Variants in AGPAT4 observed in about 807,000 individuals in gnomAD.
The protein encoded by AGPAT4 is 1-acyl-sn-glycerol-3-phosphate acyltransferase delta.
A neutral mutation model predicts 48.0 loss-of-function variants in AGPAT4; 15 were observed. The observed-to-expected ratio is 0.31, with a 90% CI of 0.21 to 0.48. AGPAT4 has a LOEUF of 0.48. Among genes scored for constraint, AGPAT4 ranks in the 20% least tolerant of loss-of-function variants. The probability of loss-of-function intolerance (pLI) is 0.99; values close to 1 mark genes in which losing one functional copy is unlikely to be tolerated. For missense variants in AGPAT4, 314 were observed against 482.5 expected (o/e 0.65, Z 3.27); for synonymous variants, 178 against 198.7 (o/e 0.90, Z 0.88).
rs376314216 is a variant in AGPAT4 at position 161,178,722 on chromosome 6, T to C, written c.179-12305A>G. On this transcript the variant is annotated intron_variant, in intron 2 of 8. Coordinates refer to ENST00000320285, the MANE Select transcript of AGPAT4 (RefSeq NM_020133.3). This position sits in a 1 kb window ranked among gnomAD's most constrained non-coding sequence, Gnocchi z 5.1. ...CTTCCGCATCACTCACACTGGGAGC[T>C]GTAGACTGGAGCTGTTCCTATTCGG... Among the ~76,000 whole-genome samples the C allele has an allele frequency of 1.4e-4, 21 of 152,342 alleles. No individual in the cohort carries two copies. Among genetic ancestry groups the C allele is most frequent in the African/African-American group, 5.0e-4 (21 of 41,586 alleles).
At chr6:161,173,470 C>T (rs770004678) in intron 2 of AGPAT4, among the ~76,000 whole-genome samples, 38 of 152,270 alleles carry the variant, frequency 2.5e-4, no homozygotes, top group African/African-American at 1.7e-4. Flanking sequence ...TCATATCCTT[C>T]GCCCACTTTT....
Position 161,245,902 on chromosome 6 carries a change from T to A in AGPAT4, c.-89-13600A>T, listed in dbSNP as rs1221045707. ...CATAATGGACCTGAAGAGAGACTTA[T>A]TAGAAAACAAATGCACTTAAATGCT... On this transcript the variant is annotated intron_variant, in intron 1 of 8. Coordinates refer to ENST00000320285, the MANE Select transcript of AGPAT4 (RefSeq NM_020133.3). This position sits in a 1 kb window ranked among gnomAD's most constrained non-coding sequence, Gnocchi z 5.2. 1.3e-5 allele frequency among the ~76,000 whole-genome samples: 2 copies of A among 152,206 alleles called. No individual in the cohort carries two copies. The highest frequency in any genetic ancestry group is 4.8e-5 in the African/African-American group (2 of 41,444).
rs1171707124 is a variant in AGPAT4, at chr6:161,130,806, G to C, written c.*5734C>G. The C allele has an allele frequency of 1.9e-6, 1 of 517,420 alleles. No homozygotes were observed. Among genetic ancestry groups the C allele is most frequent in the Non-Finnish European group, 3.9e-6 (1 of 258,752 alleles). 32.1% of individuals were successfully genotyped at this position (517,420 alleles called of 1,614,324 possible). On this transcript the variant is annotated 3_prime_UTR_variant, in exon 9 of 9. Transcript: ENST00000320285. ...CCGGAAGCTGGCTCTGCAGCGTTGTGACTTAGACACTTTACAAGTCTGAGC... is the reference window on the plus strand; with the variant it reads ...CCGGAAGCTGGCTCTGCAGCGTTGTCACTTAGACACTTTACAAGTCTGAGC...
rs1779824459 is a variant in AGPAT4, at chr6:161,158,488, G to A, written c.349-4178C>T. Among the ~76,000 whole-genome samples, 2 of 152,230 alleles carry A rather than the reference G, an allele frequency of 1.3e-5. No individual in the cohort carries two copies. Among genetic ancestry groups the A allele is most frequent in the South Asian group, 4.1e-4 (2 of 4,830 alleles). On this transcript the variant is annotated intron_variant, in intron 3 of 8. Coordinates refer to ENST00000320285, the MANE Select transcript of AGPAT4 (RefSeq NM_020133.3). The surrounding 1 kb of genome is among the most constrained non-coding windows in gnomAD (Gnocchi z 5.3). The stretch of plus-strand genomic sequence containing the variant: ...CACGTGGAGTAAACCACTATGGAGA[G>A]AGAGAGTGAAAGAGAGAGTTGTCTT...
chr6:161,133,216 C>T lies in AGPAT4; in HGVS notation c.*3324G>A, dbSNP rs533714304. On this transcript the variant is annotated 3_prime_UTR_variant, in exon 9 of 9. Transcript: ENST00000320285. ...GACCAGCCAGACCACTCCTCCACTCCAGTGGGGCCTTTTTTGTGTCTTTCA... is the reference window on the plus strand; with the variant it reads ...GACCAGCCAGACCACTCCTCCACTCTAGTGGGGCCTTTTTTGTGTCTTTCA... 7.2e-5 allele frequency: 11 copies of T among 152,218 alleles called. No individual in the cohort carries two copies. Among genetic ancestry groups the T allele is most frequent in the Non-Finnish European group, 1.6e-4 (11 of 68,038 alleles). The allele number at this position is 152,218 out of a possible 1,614,324, so 9.4% of individuals were successfully genotyped here.
Position 161,219,839 on chromosome 6 carries a change from A to ATAGC in AGPAT4, c.178+12196_178+12197insGCTA, listed in dbSNP as rs1562343526. Among the ~76,000 whole-genome samples, 1 of 104,048 alleles carries ATAGC rather than the reference A, an allele frequency of 9.6e-6. No homozygotes were observed. Among genetic ancestry groups the ATAGC allele is most frequent in the African/African-American group, 4.6e-5 (1 of 21,830 alleles). 68.3% of individuals were successfully genotyped at this position (104,048 alleles called of 152,430 possible). On this transcript the variant is annotated intron_variant, in intron 2 of 8. Coordinates refer to ENST00000320285, the MANE Select transcript of AGPAT4 (RefSeq NM_020133.3). The surrounding 1 kb of genome is among the most constrained non-coding windows in gnomAD (Gnocchi z 4.9). ...AAGATAGACAGAGATAGATAGATAG[A>ATAGC]TAGATAGATAGATAGATAGATAGAT...
rs1017332359 is a variant in AGPAT4 at position 161,214,539 on chromosome 6, G to T, written c.178+17497C>A. ...CCAGCCCTTTGGGAGGTCAAGGCAG[G>T]CGGATCAATTGAAGTCAGGAGTTCG... is the stretch of plus-strand genomic sequence containing the variant. On this transcript the variant is annotated intron_variant, in intron 2 of 8. Transcript: ENST00000320285. This position sits in a 1 kb window ranked among gnomAD's most constrained non-coding sequence, Gnocchi z 5.4. Among the ~76,000 whole-genome samples, 3 of 152,172 alleles carry T rather than the reference G, an allele frequency of 2.0e-5. No individual in the cohort carries two copies. Among genetic ancestry groups the T allele is most frequent in the African/African-American group, 7.2e-5 (3 of 41,452 alleles).
intron 2 of AGPAT4, among the ~76,000 whole-genome samples, chr6:161,199,555 T>G (rs1467993658): frequency 6.6e-6 from 1 of 152,116 alleles, no homozygotes. Context: ...GCCCTGGGCA[T>G]GTGATACGGT....
At chr6:161,174,089 A>C (rs1438942703) in intron 2 of AGPAT4, among the ~76,000 whole-genome samples, 2 of 152,168 alleles carry the variant, frequency 1.3e-5, no homozygotes, top group African/African-American at 4.8e-5. Context: ...TGATGCCTCC[A>C]GCTTTGTTCT....
rs1780459831 is a variant in AGPAT4 at position 161,177,489 on chromosome 6, C to A, written c.179-11072G>T. 6.6e-6 allele frequency among the ~76,000 whole-genome samples: 1 copy of A among 152,184 alleles called. No individual in the cohort carries two copies. Among genetic ancestry groups the A allele is most frequent in the African/African-American group, 2.4e-5 (1 of 41,450 alleles). ...AGTTCTCAAGCCATGGTTTTCAGCTCCATCAGGTCATTTAAGGTCTTCTCT... is the reference window on the plus strand; with the variant it reads ...AGTTCTCAAGCCATGGTTTTCAGCTACATCAGGTCATTTAAGGTCTTCTCT... On this transcript the variant is annotated intron_variant, in intron 2 of 8. Transcript: ENST00000320285. This position sits in a 1 kb window ranked among gnomAD's most constrained non-coding sequence, Gnocchi z 5.0.
At position 161,189,755 on chromosome 6, in the gene AGPAT4, C is replaced by G. The variant is rs1055229162; in HGVS notation, c.179-23338G>C. On this transcript the variant is annotated intron_variant, in intron 2 of 8. Transcript: ENST00000320285. This position sits in a 1 kb window ranked among gnomAD's most constrained non-coding sequence, Gnocchi z 5.3. Reference sequence around the variant, plus strand: ...ACCGCCCTCCTAACCCCTCTCTCCTCCACCCAAAAAAGGGCTGAATGCCAA... The same window carrying G: ...ACCGCCCTCCTAACCCCTCTCTCCTGCACCCAAAAAAGGGCTGAATGCCAA... 6.6e-6 allele frequency among the ~76,000 whole-genome samples: 1 copy of G among 152,102 alleles called. No homozygotes were observed. The highest frequency in any genetic ancestry group is 6.5e-5 in the Admixed American group (1 of 15,278).
rs926764632 is a variant in AGPAT4, at chr6:161,246,663, C to G, written c.-89-14361G>C. 6.6e-6 allele frequency among the ~76,000 whole-genome samples: 1 copy of G among 151,872 alleles called. No homozygotes were observed. Among genetic ancestry groups the G allele is most frequent in the Admixed American group, 6.6e-5 (1 of 15,256 alleles). ...ATCTCAGGTGATCCACCGCACCCAG[C>G]CTAGCACAGGGGATTCTTACAGAGC... is the stretch of plus-strand genomic sequence containing the variant. On this transcript the variant is annotated intron_variant, in intron 1 of 8. Coordinates refer to ENST00000320285, the MANE Select transcript of AGPAT4 (RefSeq NM_020133.3). This position sits in a 1 kb window ranked among gnomAD's most constrained non-coding sequence, Gnocchi z 5.5.
chr6:161,173,302 C>G (rs1780332776), intron 2 of AGPAT4, among the ~76,000 whole-genome samples: 1 of 152,184 alleles, frequency 6.6e-6, no homozygotes, highest in Admixed American at 6.5e-5. Context: ...CTCTCCAGCA[C>G]CTGTTGTTTC....
Position 161,138,347 on chromosome 6 carries a change from G to A in AGPAT4, c.1042+1075C>T, listed in dbSNP as rs1271276843. Among the ~76,000 whole-genome samples, 3 of 152,228 alleles carry A rather than the reference G, an allele frequency of 2.0e-5. No homozygotes were observed. The highest frequency in any genetic ancestry group is 2.9e-5 in the Non-Finnish European group (2 of 68,042). The stretch of plus-strand genomic sequence containing the variant: ...AGCTTGTCTACTGCACCCATATGCT[G>A]CAGCATTGGTTGGCTCAGTCAGAAT... On this transcript the variant is annotated intron_variant, in intron 8 of 8. Coordinates refer to ENST00000320285, the MANE Select transcript of AGPAT4 (RefSeq NM_020133.3). This position sits in a 1 kb window ranked among gnomAD's most constrained non-coding sequence, Gnocchi z 4.8.
At position 161,148,169 on chromosome 6, in the gene AGPAT4, G is replaced by A. The variant is rs909521553; in HGVS notation, c.767+1018C>T. On this transcript the variant is annotated intron_variant, in intron 6 of 8. Coordinates refer to ENST00000320285, the MANE Select transcript of AGPAT4 (RefSeq NM_020133.3). This position sits in a 1 kb window ranked among gnomAD's most constrained non-coding sequence, Gnocchi z 5.5. The stretch of plus-strand genomic sequence containing the variant: ...GAATAAAACCTCACTTTACTCCTAG[G>A]AGAAGGTCTAAAGGTCTCCTTCGGG... Among the ~76,000 whole-genome samples the A allele has an allele frequency of 2.0e-5, 3 of 152,340 alleles. No individual in the cohort carries two copies. In the East Asian group the frequency reaches 5.8e-4, roughly 29 times the overall value.
chr6:161,260,561 C>A (rs1461381241), intron 1 of AGPAT4, among the ~76,000 whole-genome samples: 1 of 143,920 alleles, frequency 6.9e-6, no homozygotes, highest in Non-Finnish European at 1.5e-5. Context: ...CTGAGGCAGG[C>A]AGGAGAATCA....
In AGPAT4 at chr6:161,243,070, T is replaced by A. The variant is rs533075815; in HGVS notation, c.-89-10768A>T. On this transcript the variant is annotated intron_variant, in intron 1 of 8. Transcript: ENST00000320285. This position sits in a 1 kb window ranked among gnomAD's most constrained non-coding sequence, Gnocchi z 4.8. ...AGAGCCAGACTCTGTCTCAAAAAAATTTTTTTTTAATTTAAAAAAAAATGA... is the reference window on the plus strand; with the variant it reads ...AGAGCCAGACTCTGTCTCAAAAAAAATTTTTTTTAATTTAAAAAAAAATGA... 2.6e-3 allele frequency among the ~76,000 whole-genome samples: 388 copies of A among 151,710 alleles called. 3 individuals carry two copies. The highest frequency in any genetic ancestry group is 3.1e-3 in the East Asian group (16 of 5,130).
intron 2 of AGPAT4, among the ~76,000 whole-genome samples, chr6:161,203,381 C>CTTTTT (rs10585542): frequency 2.7e-4 from 30 of 110,774 alleles, no homozygotes; most frequent in African/African-American, 3.5e-4. Flanking sequence ...CTTTTTCTTT[C>CTTTTT]TTTTTTTTTT....
At chr6:161,224,211 C>T (rs756120329) in intron 2 of AGPAT4, among the ~76,000 whole-genome samples, 9 of 152,118 alleles carry the variant, frequency 5.9e-5, no homozygotes, top group African/African-American at 9.7e-5. Context: ...TAAAGCTTTA[C>T]TAAGAGAGGA....
Sources: gnomAD v4.1 joint callset for allele counts (sites outside exome capture counted in the v4.1 genomes callset) on GRCh38, gnomAD v4.1.1 for gene constraint, Gnocchi (gnomAD v3.1) non-coding constraint, MANE v1.5 for transcripts, NCBI Gene and HGNC (gene_info 2026-07-23, HGNC 2026-07-21) for gene names.